VRTN: variants seen among roughly 807,000 people sequenced by gnomAD.
VRTN encodes the protein vertebrae development associated, also known as vertnin.
A neutral mutation model predicts 18.2 loss-of-function variants in VRTN; 5 were observed. That is an observed-to-expected ratio of 0.27 (90% CI 0.14 to 0.58). The LOEUF is 0.58. VRTN is among the 20% of genes least tolerant of loss of function. VRTN has a pLI of 0.91. For missense variants in VRTN, 741 were observed against 939.4 expected (o/e 0.79, Z 2.76); for synonymous variants, 381 against 393.7 (o/e 0.97, Z 0.38).
At chr14:74,316,858 C>T (rs897158999) in intron 1 of VRTN, among the ~76,000 whole-genome samples, 4 of 151,744 alleles carry the variant, frequency 2.6e-5, no homozygotes, top group Admixed American at 6.6e-5. Context: ...AGGATGGTCT[C>T]GATTTCCTGA....
intron 1 of VRTN, among the ~76,000 whole-genome samples, chr14:74,308,139 G>T (rs1263890872): frequency 6.6e-6 from 1 of 151,700 alleles, no homozygotes; most frequent in Non-Finnish European, 1.5e-5. Context: ...ATCCACTTGG[G>T]CACAGTGGCT....
At chr14:74,325,627 GTGGGACCCC>G (rs1195702159) in intron 1 of VRTN, among the ~76,000 whole-genome samples, 2 of 152,066 alleles carry the variant, frequency 1.3e-5, no homozygotes, top group African/African-American at 4.8e-5. Context: ...GGGCAACATA[GTGGGACCCC>G]TGTCTACTCA....
chr14:74,316,035 A>G (rs74466645), intron 1 of VRTN, among the ~76,000 whole-genome samples: 542 of 152,316 alleles, frequency 3.6e-3, no homozygotes, highest in African/African-American at 0.012. Context: ...CAATTCTCAA[A>G]GGAGCTGATA....
chr14:74,317,994 C>T (rs906841480), intron 1 of VRTN, among the ~76,000 whole-genome samples: 2 of 152,212 alleles, frequency 1.3e-5, no homozygotes, highest in Admixed American at 6.5e-5. Context: ...TAGCAAGCAA[C>T]TGTAGTCCAG....
At chr14:74,305,086 C>A (rs1441036853) in intron 1 of VRTN, among the ~76,000 whole-genome samples, 2 of 152,102 alleles carry the variant, frequency 1.3e-5, no homozygotes, top group African/African-American at 4.8e-5. Flanking sequence ...AATCCCAGCG[C>A]TTTTGGAGGC....
intron 1 of VRTN, among the ~76,000 whole-genome samples, chr14:74,326,163 GAT>G (rs2085486325): frequency 1.3e-5 from 2 of 152,242 alleles, no homozygotes; most frequent in East Asian, 3.9e-4. Context: ...GACCTCAATT[GAT>G]ATGTCCAAGC....
rs774503192 is a variant in VRTN at position 74,358,525 on chromosome 14, G to A, written c.1742G>A (p.Gly581Asp). Residue 581 changes from glycine (G) to aspartate (D), a missense_variant, in exon 2 of 2, where the codon GGC becomes GAC. Transcript: ENST00000256362. This position sits in a 1 kb window ranked among gnomAD's most constrained non-coding sequence, Gnocchi z 5.4. ...GAGGAGAAGCAGGAGAAGGAGGCTGGCAGGGATGTGACAGCTGTGATGGCC... is the reference window on the plus strand; with the variant it reads ...GAGGAGAAGCAGGAGAAGGAGGCTGACAGGGATGTGACAGCTGTGATGGCC... ...EAEEKQEKEA[G>D]RDVTAVMAPP... The A allele has an allele frequency of 1.4e-5, 23 of 1,613,790 alleles. No homozygotes were observed. Among genetic ancestry groups the A allele is most frequent in the Non-Finnish European group, 1.9e-5 (23 of 1,179,804 alleles).
At chr14:74,327,299 G>C in intron 1 of VRTN, among the ~76,000 whole-genome samples, 1 of 152,254 alleles carries the variant, frequency 6.6e-6, no homozygotes, top group Non-Finnish European at 1.5e-5. Flanking sequence ...TGTGAATCCA[G>C]GTCTTCCCCA....
At chr14:74,333,141 A>G (rs761408898) in intron 1 of VRTN, among the ~76,000 whole-genome samples, 11 of 151,908 alleles carry the variant, frequency 7.2e-5, no homozygotes, top group Non-Finnish European at 1.3e-4. Flanking sequence ...CCAGCACTTT[A>G]GGAGGCCGAG....
intron 1 of VRTN, among the ~76,000 whole-genome samples, chr14:74,315,846 T>C (rs1274303642): frequency 1.3e-5 from 2 of 151,884 alleles, no homozygotes; most frequent in Admixed American, 6.6e-5. Flanking sequence ...AGCTGAGAGG[T>C]AGGCCCTACT....
chr14:74,358,265 C>A lies in VRTN; in HGVS notation c.1482C>A (p.Pro494=). ...GNATGEDPPA[P]GELLPLRMPL... is the part of the protein sequence containing the mutation. Reference sequence around the variant, plus strand: ...CCACAGGTGAGGACCCTCCCGCCCCCGGGGAGCTCCTGCCACTAAGGATGC... The same window carrying A: ...CCACAGGTGAGGACCCTCCCGCCCCAGGGGAGCTCCTGCCACTAAGGATGC... Residue 494 remains proline, a synonymous_variant, in exon 2 of 2, where the codon CCC becomes CCA. Coordinates refer to ENST00000256362, the MANE Select transcript of VRTN (RefSeq NM_018228.3). The surrounding 1 kb of genome is among the most constrained non-coding windows in gnomAD (Gnocchi z 5.4). 6.2e-7 allele frequency: 1 copy of A among 1,610,504 alleles called. No individual in the cohort carries two copies. Among genetic ancestry groups the A allele is most frequent in the Non-Finnish European group, 8.5e-7 (1 of 1,178,058 alleles).
At chr14:74,312,062 G>A (rs1274291160) in intron 1 of VRTN, among the ~76,000 whole-genome samples, 2 of 152,138 alleles carry the variant, frequency 1.3e-5, no homozygotes, top group African/African-American at 4.8e-5. Context: ...GAGCCACCGC[G>A]CCCAGCCAGC....
intron 1 of VRTN, 89 bp from the exon 2 acceptor site, chr14:74,356,694 G>A: frequency 6.8e-7 from 1 of 1,462,316 alleles, no homozygotes; most frequent in Non-Finnish European, 9.1e-7. Context: ...CCTTTTGGGA[G>A]AAAGTGCAGG....
upstream of VRTN, among the ~76,000 whole-genome samples, chr14:74,345,967 C>T (rs1004111761): frequency 6.6e-6 from 1 of 151,096 alleles, no homozygotes; most frequent in East Asian, 2.0e-4. Flanking sequence ...GGAAAATACC[C>T]ATAGAGAAAC....
At chr14:74,331,205 A>G (rs1466675491) in intron 1 of VRTN, among the ~76,000 whole-genome samples, 1 of 110,110 alleles carries the variant, frequency 9.1e-6, no homozygotes, top group Non-Finnish European at 1.8e-5. Context: ...CCGTCTCAAA[A>G]ATAAATAAAT....
At position 74,357,266 on chromosome 14, in the gene VRTN, C is replaced by G; in HGVS notation, c.483C>G (p.Val161=). The G allele has an allele frequency of 6.2e-7, 1 of 1,613,828 alleles. No homozygotes were observed. The highest frequency in any genetic ancestry group is 1.3e-5 in the African/African-American group (1 of 75,044). The change falls in exon 2 of 2, where the codon GTC becomes GTG. Residue 161 remains valine, a synonymous_variant. Transcript: ENST00000256362. The surrounding 1 kb of genome is among the most constrained non-coding windows in gnomAD (Gnocchi z 7.8). ...ATLEAIFDAD[V]KASCFPSSFS... is the part of the protein sequence containing the mutation. ...TGGAGGCCATCTTCGATGCCGACGT[C>G]AAGGCCTCCTGTTTCCCCAGCAGCT...
rs753601863 is a variant in VRTN at position 74,357,416 on chromosome 14, C to T, written c.633C>T (p.Cys211=). The T allele has an allele frequency of 2.5e-5, 40 of 1,612,602 alleles. No homozygotes were observed. Among genetic ancestry groups the T allele is most frequent in the Middle Eastern group, 1.6e-4 (1 of 6,084 alleles). The change falls in exon 2 of 2, where the codon TGC becomes TGT. Residue 211 remains cysteine, a synonymous_variant. Transcript: ENST00000256362. The surrounding 1 kb of genome is among the most constrained non-coding windows in gnomAD (Gnocchi z 7.8). The part of the protein sequence containing the change: ...YFNRVIRPRR[C]DHVPSTLHIM... Reference sequence around the variant, plus strand: ...ACCGTGTCATCCGGCCCCGCCGCTGCGACCACGTGCCCTCCACGCTGCACA... The same window carrying T: ...ACCGTGTCATCCGGCCCCGCCGCTGTGACCACGTGCCCTCCACGCTGCACA...
At chr14:74,346,502 C>T (rs559140744), upstream of VRTN, among the ~76,000 whole-genome samples, 472 of 152,130 alleles carry the variant, frequency 3.1e-3, 3 homozygotes, top group Middle Eastern at 0.01. Flanking sequence ...CAGCTTCTAC[C>T]TTGTGGACTC....
intron 2 of VRTN, among the ~76,000 whole-genome samples, chr14:74,338,127 A>T (rs2085577543): frequency 6.6e-6 from 1 of 152,172 alleles, no homozygotes; most frequent in Non-Finnish European, 1.5e-5. Flanking sequence ...TGAAATGTAT[A>T]TCTAAAAGTT....
Sources: gnomAD v4.1 joint callset for allele counts (sites outside exome capture counted in the v4.1 genomes callset) on GRCh38, gnomAD v4.1.1 for gene constraint, Gnocchi (gnomAD v3.1) non-coding constraint, MANE v1.5 for transcripts, NCBI Gene and HGNC (gene_info 2026-07-23, HGNC 2026-07-21) for gene names.